ALCAM: variants seen among roughly 807,000 people sequenced by gnomAD.
The protein encoded by ALCAM is activated leukocyte cell adhesion molecule.
Under a neutral mutation model 70.9 loss-of-function variants are expected in ALCAM, and 30 were observed. The ratio of observed to expected loss-of-function variants is 0.42; its 90% confidence interval spans 0.32 to 0.57. The LOEUF (loss-of-function observed/expected upper bound fraction) is 0.57. ALCAM is among the 20% of genes least tolerant of loss of function. The pLI, the probability that ALCAM is intolerant of heterozygous loss-of-function variation, is 0.11. For synonymous variants in ALCAM, 249 were observed against 242.5 expected (o/e 1.03, Z -0.25); for missense variants, 591 against 695.1 (o/e 0.85, Z 1.68).
At chr3:105,572,507 A>C (rs566810934) in intron 15 of ALCAM, among the ~76,000 whole-genome samples, 265 of 152,224 alleles carry the variant, frequency 1.7e-3, no homozygotes, top group Non-Finnish European at 3.1e-3. Context: ...GGTTGGTTCC[A>C]AGTCTTTGCT....
chr3:105,447,111 T>G (rs1937319104), intron 1 of ALCAM, among the ~76,000 whole-genome samples: 1 of 152,106 alleles, frequency 6.6e-6, no homozygotes, highest in African/African-American at 2.4e-5. Context: ...AACATCACAC[T>G]ATATACCCCA....
At chr3:105,424,645 G>A (rs1936746160) in intron 1 of ALCAM, among the ~76,000 whole-genome samples, 1 of 151,618 alleles carries the variant, frequency 6.6e-6, no homozygotes, top group South Asian at 2.1e-4. Context: ...TTATATTTAG[G>A]TATGTCTTAA....
intron 1 of ALCAM, among the ~76,000 whole-genome samples, chr3:105,389,743 A>T (rs1935762166): frequency 1.5e-5 from 2 of 137,814 alleles, no homozygotes; most frequent in East Asian, 2.1e-4. Flanking sequence ...CCTCCCCCCT[A>T]CCCCCTCAAC....
intron 1 of ALCAM, among the ~76,000 whole-genome samples, chr3:105,420,266 A>T (rs931586836): frequency 4.6e-5 from 7 of 151,532 alleles, no homozygotes; most frequent in Admixed American, 2.0e-4. Context: ...CACCTTTATT[A>T]AAAAAATGGT....
intron 1 of ALCAM, among the ~76,000 whole-genome samples, chr3:105,426,725 C>T (rs903754761): frequency 3.3e-5 from 5 of 151,734 alleles, no homozygotes; most frequent in Admixed American, 3.3e-4. Context: ...TCCATTTATG[C>T]AAATTAGATT....
intron 4 of ALCAM, among the ~76,000 whole-genome samples, chr3:105,533,217 C>T (rs887927007): frequency 6.6e-6 from 1 of 152,070 alleles, no homozygotes; most frequent in Non-Finnish European, 1.5e-5. Flanking sequence ...CCCATTTTAA[C>T]ACCAAATTAT....
At chr3:105,539,137 C>T (rs1413368440) in intron 6 of ALCAM, among the ~76,000 whole-genome samples, 1 of 152,068 alleles carries the variant, frequency 6.6e-6, no homozygotes, top group Admixed American at 6.6e-5. Flanking sequence ...CATACCTTTG[C>T]ATTATATGAT....
rs58126212 is a variant in ALCAM at position 105,402,938 on chromosome 3, C to CT, written c.73+35480dup. 9.4e-3 allele frequency among the ~76,000 whole-genome samples: 1,101 copies of CT among 117,100 alleles called. 23 individuals carry two copies. Among genetic ancestry groups the CT allele is most frequent in the African/African-American group, 0.033 (1,037 of 31,678 alleles). The allele number at this position is 117,100 out of a possible 152,430, so 76.8% of individuals were successfully genotyped here. Reference sequence around the variant, plus strand: ...TCTCTATAGGATTGCAGCTGATGCGCTTTTTTTTTTTTTTTTTTTTTTTCT... The same window carrying CT: ...TCTCTATAGGATTGCAGCTGATGCGCTTTTTTTTTTTTTTTTTTTTTTTTCT... On this transcript the variant is annotated intron_variant, in intron 1 of 15. Transcript: ENST00000306107.
chr3:105,442,638 G>A (rs1174615912), intron 1 of ALCAM, among the ~76,000 whole-genome samples: 11 of 151,874 alleles, frequency 7.2e-5, no homozygotes, highest in South Asian at 6.3e-4. Context: ...AAAATTAGGC[G>A]GGCGTGGTGG....
intron 1 of ALCAM, among the ~76,000 whole-genome samples, chr3:105,509,397 GA>G (rs1462631422): frequency 1.3e-5 from 2 of 151,834 alleles, no homozygotes; most frequent in Admixed American, 6.6e-5. Flanking sequence ...TTTTCAATAA[GA>G]ACCATCTTAA....
chr3:105,498,769 A>T (rs2152614984), intron 1 of ALCAM, among the ~76,000 whole-genome samples: 1 of 152,318 alleles, frequency 6.6e-6, no homozygotes, highest in East Asian at 1.9e-4. Flanking sequence ...ACAGAAATTC[A>T]AATGAAAACT....
intron 2 of ALCAM, among the ~76,000 whole-genome samples, chr3:105,522,998 G>A (rs917516085): frequency 1.3e-5 from 2 of 151,986 alleles, no homozygotes; most frequent in Admixed American, 6.5e-5. Context: ...AAATTAGCCA[G>A]GCGTGGTGGC....
chr3:105,563,696 T>G (rs1411218064), intron 14 of ALCAM, among the ~76,000 whole-genome samples: 1 of 72,176 alleles, frequency 1.4e-5, no homozygotes, highest in Non-Finnish European at 2.9e-5. Context: ...TTTTTTTTTT[T>G]TTGAGACGGA....
intron 1 of ALCAM, among the ~76,000 whole-genome samples, chr3:105,496,555 C>T (rs1246160304): frequency 2.0e-5 from 3 of 152,066 alleles, no homozygotes; most frequent in Non-Finnish European, 4.4e-5. Context: ...TTTTGTATCT[C>T]CCTCATTGTC....
Position 105,574,776 on chromosome 3 carries a change from A to G in ALCAM, c.*325A>G, listed in dbSNP as rs1324669261. The G allele has an allele frequency of 6.6e-6, 1 of 152,542 alleles. No individual in the cohort carries two copies. The highest frequency in any genetic ancestry group is 1.5e-5 in the Non-Finnish European group (1 of 68,028). The allele number at this position is 152,542 out of a possible 1,614,324, so 9.4% of individuals were successfully genotyped here. ...TTTTATGTAAATTTTTTACGTAGCT[A>G]TTTTTATACACTGTAAGCTTTGTTC... On this transcript the variant is annotated 3_prime_UTR_variant, in exon 16 of 16. Coordinates refer to ENST00000306107, the MANE Select transcript of ALCAM (RefSeq NM_001627.4).
intron 1 of ALCAM, among the ~76,000 whole-genome samples, chr3:105,458,290 C>T (rs1937560716): frequency 6.6e-6 from 1 of 152,118 alleles, no homozygotes; most frequent in Non-Finnish European, 1.5e-5. Context: ...ATCTTGAGAA[C>T]AGTGATTCTA....
intron 1 of ALCAM, among the ~76,000 whole-genome samples, chr3:105,367,753 G>C (rs1418067919): frequency 6.6e-6 from 1 of 152,172 alleles, no homozygotes; most frequent in Non-Finnish European, 1.5e-5. Flanking sequence ...TTCGCCTGAC[G>C]CTCTCCCCTT....
At chr3:105,402,936 C>T (rs915705002) in intron 1 of ALCAM, among the ~76,000 whole-genome samples, 110 of 107,382 alleles carry the variant, frequency 1.0e-3, no homozygotes, top group Non-Finnish European at 1.7e-3. Flanking sequence ...GCAGCTGATG[C>T]GCTTTTTTTT....
At chr3:105,506,569 C>T (rs993414784) in intron 1 of ALCAM, among the ~76,000 whole-genome samples, 1 of 152,104 alleles carries the variant, frequency 6.6e-6, no homozygotes, top group Non-Finnish European at 1.5e-5. Context: ...GTCTTTATAA[C>T]CTAGTATTCC....
Sources: allele counts gnomAD v4.1 joint callset (sites outside exome capture counted in the v4.1 genomes callset), GRCh38; gene constraint gnomAD v4.1.1; transcripts MANE v1.5; gene names NCBI Gene and HGNC (gene_info 2026-07-23, HGNC 2026-07-21).